Variants in ERBIN observed in about 807,000 individuals in gnomAD.
ERBIN encodes the protein densin-180-like protein.
A neutral mutation model predicts 158.4 loss-of-function variants in ERBIN; 60 were observed. The ratio of observed to expected loss-of-function variants is 0.38; its 90% CI spans 0.31 to 0.47. ERBIN has a LOEUF of 0.47. Ranked by LOEUF, ERBIN falls within the 20% of genes least tolerant of loss-of-function variation. ERBIN has a pLI of 0.99. For synonymous variants in ERBIN, 594 were observed against 557.2 expected (o/e 1.07, Z -0.93); for missense variants, 1,610 against 1,648.0 (o/e 0.98, Z 0.40).
chr5:66,034,474 A>G (rs1171106014), intron 14 of ERBIN, among the ~76,000 whole-genome samples: 2 of 151,872 alleles, frequency 1.3e-5, no homozygotes, highest in African/African-American at 2.4e-5. Context: ...TTTAGTAGAG[A>G]CGGAGTTTCA....
At chr5:66,045,591 CTGT>C (rs1758355210) in intron 17 of ERBIN, among the ~76,000 whole-genome samples, 2 of 152,144 alleles carry the variant, frequency 1.3e-5, no homozygotes, top group African/African-American at 2.4e-5. Context: ...GAACATACCA[CTGT>C]TGTTAAGTGC....
chr5:65,957,078 C>T (rs971727523), intron 1 of ERBIN, among the ~76,000 whole-genome samples: 1 of 152,124 alleles, frequency 6.6e-6, no homozygotes, highest in African/African-American at 2.4e-5. Flanking sequence ...TTATTTAGCA[C>T]CCTCTCCCAT....
chr5:66,068,426 AAATG>A (rs1183445006), intron 21 of ERBIN, among the ~76,000 whole-genome samples: 2 of 152,200 alleles, frequency 1.3e-5, no homozygotes, highest in African/African-American at 4.8e-5. Flanking sequence ...AATTTGCATA[AAATG>A]AAGTAGATTC....
At chr5:66,000,168 A>C (rs1453294127) in intron 4 of ERBIN, among the ~76,000 whole-genome samples, 1 of 152,192 alleles carries the variant, frequency 6.6e-6, no homozygotes. Context: ...AATCGTATAC[A>C]TCTGAAATTG....
intron 4 of ERBIN, among the ~76,000 whole-genome samples, chr5:66,011,384 C>T (rs1362247759): frequency 6.6e-6 from 1 of 152,080 alleles, no homozygotes; most frequent in African/African-American, 2.4e-5. Flanking sequence ...ATCAAGAGCC[C>T]AGCATTTAAA....
intron 1 of ERBIN, among the ~76,000 whole-genome samples, chr5:65,952,383 A>G (rs553643156): frequency 3.3e-5 from 5 of 152,134 alleles, no homozygotes; most frequent in African/African-American, 9.6e-5. Flanking sequence ...GGCTCTCACT[A>G]TGCTTCCCAG....
chr5:65,985,839 T>A (rs73762644), intron 1 of ERBIN, among the ~76,000 whole-genome samples: 6,107 of 152,244 alleles, frequency 0.04, 417 homozygotes, highest in African/African-American at 0.14. Context: ...CCAGAGGTGG[T>A]TTTGTCAAGA....
intron 22 of ERBIN, among the ~76,000 whole-genome samples, chr5:66,074,524 A>G (rs899329954): frequency 1.3e-5 from 2 of 152,230 alleles, no homozygotes; most frequent in African/African-American, 4.8e-5. Context: ...TAAAAGCAGA[A>G]AAATAAATTT....
chr5:65,934,103 A>T (rs1580058107), intron 1 of ERBIN, among the ~76,000 whole-genome samples: 2 of 152,102 alleles, frequency 1.3e-5, no homozygotes, highest in African/African-American at 4.8e-5. Flanking sequence ...TCACCGTGTT[A>T]GCCAGGGTGG....
chr5:66,013,599 A>G lies in ERBIN; in HGVS notation c.437A>G (p.Asn146Ser). ...QLLNLTQLYL[N>S]DAFLEFLPAN... ...TTAAACCTAACCCAGTTGTATCTGA[A>G]TGATGCTTTTCTTGAGTTCTTGCCA... Residue 146 changes from asparagine to serine, a missense_variant, in exon 6 of 26, where the codon AAT (asparagine) becomes AGT (serine). Coordinates refer to ENST00000284037, the MANE Select transcript of ERBIN (RefSeq NM_001253697.2). 6.2e-7 allele frequency: 1 copy of G among 1,613,580 alleles called. No individual in the cohort carries two copies. Among genetic ancestry groups the G allele is most frequent in the Non-Finnish European group, 8.5e-7 (1 of 1,179,646 alleles).
At chr5:66,060,120 C>T (rs904351065) in intron 21 of ERBIN, among the ~76,000 whole-genome samples, 1 of 152,306 alleles carries the variant, frequency 6.6e-6, no homozygotes, top group South Asian at 2.1e-4. Flanking sequence ...ATGGTACCAG[C>T]TCCTCCTTGT....
intron 14 of ERBIN, 38 bp downstream of exon 14, chr5:66,028,381 T>C (rs1193953594): frequency 6.4e-7 from 1 of 1,553,040 alleles, no homozygotes; most frequent in African/African-American, 1.4e-5. Context: ...GGAGTTCTTA[T>C]TTGTGTTATA....
chr5:65,959,057 C>A (rs1253923759), intron 1 of ERBIN, among the ~76,000 whole-genome samples: 1 of 152,118 alleles, frequency 6.6e-6, no homozygotes. Flanking sequence ...GTAGACATTG[C>A]GTATACACAT....
At chr5:65,950,803 C>G (rs1164092797) in intron 1 of ERBIN, among the ~76,000 whole-genome samples, 1 of 148,520 alleles carries the variant, frequency 6.7e-6, no homozygotes, top group Non-Finnish European at 1.5e-5. Context: ...TTTTTTTTTT[C>G]CTGTAGGATC....
At chr5:66,017,982 T>C (rs2151121978) in intron 7 of ERBIN, among the ~76,000 whole-genome samples, 1 of 152,244 alleles carries the variant, frequency 6.6e-6, no homozygotes, top group African/African-American at 2.4e-5. Context: ...TTTTCTAGGA[T>C]GACTTGGCTG....
chr5:65,970,744 A>G lies in ERBIN; in HGVS notation c.-57-17891A>G, dbSNP rs77204264. ...GCTGGGGCTACAGACGTACACCAGC[A>G]TGCCTGGCTAATTTTATTTTTATTT... On this transcript the variant is annotated intron_variant, in intron 1 of 25. Transcript: ENST00000284037. 1.9e-3 allele frequency among the ~76,000 whole-genome samples: 285 copies of G among 152,270 alleles called. 3 individuals are homozygous for G. The South Asian group carries it at 0.039, about 21-fold the overall frequency.
Position 66,050,898 on chromosome 5 carries a change from T to C in ERBIN, c.2019T>C (p.Asp673=). The change falls in exon 20 of 26, where the codon GAT becomes GAC. Residue 673 remains aspartate (D), a synonymous_variant. Coordinates refer to ENST00000284037, the MANE Select transcript of ERBIN (RefSeq NM_001253697.2). The part of the protein sequence containing the change: ...RMSDSVSLNT[D]SSQDTSLCSP... ...CTGATTCAGTTTCTCTTAATACTGA[T>C]AGTAGTCAAGACACCTCACTCTGCT... is the stretch of plus-strand genomic sequence containing the variant. The C allele has an allele frequency of 6.2e-7, 1 of 1,606,812 alleles. No individual in the cohort carries two copies. The highest frequency in any genetic ancestry group is 8.5e-7 in the Non-Finnish European group (1 of 1,177,474).
chr5:65,966,442 A>C (rs1256743586), intron 1 of ERBIN, among the ~76,000 whole-genome samples: 1 of 152,170 alleles, frequency 6.6e-6, no homozygotes, highest in Non-Finnish European at 1.5e-5. Flanking sequence ...GCACTTTGGG[A>C]GGCCAAGGTG....
At position 66,081,494 on chromosome 5, in the gene ERBIN, A is replaced by G. The variant is rs932445789; in HGVS notation, c.*2964A>G. The G allele has an allele frequency of 1.3e-5, 2 of 152,128 alleles. No homozygotes were observed. Among genetic ancestry groups the G allele is most frequent in the Admixed American group, 6.5e-5 (1 of 15,276 alleles). 9.4% of individuals were successfully genotyped at this position (152,128 alleles called of 1,614,324 possible). On this transcript the variant is annotated 3_prime_UTR_variant, in exon 26 of 26. Coordinates refer to ENST00000284037, the MANE Select transcript of ERBIN (RefSeq NM_001253697.2). ...ATCAACCAACATTTATTCATTCCAA[A>G]TTTTTGTATATATCTAGATGAAGTA...
Sources: gnomAD v4.1 joint callset for allele counts (sites outside exome capture counted in the v4.1 genomes callset) on GRCh38, gnomAD v4.1.1 for gene constraint, MANE v1.5 for transcripts, NCBI Gene and HGNC (gene_info 2026-07-23, HGNC 2026-07-21) for gene names.